Variants in WDR36 observed in about 807,000 individuals in gnomAD.
WDR36 encodes WD repeat-containing protein 36.
In WDR36, 63 loss-of-function variants were observed where a neutral mutation model predicts 112.7. The ratio of observed to expected loss-of-function variants is 0.56; its 90% CI spans 0.46 to 0.69. The LOEUF (loss-of-function observed/expected upper bound fraction) is 0.69. Ranked by LOEUF, WDR36 falls within the 30% of genes least tolerant of loss-of-function variation. The pLI is 0.00. For missense variants in WDR36, 1,226 were observed against 1,070.3 expected (o/e 1.15, Z -2.03); for synonymous variants, 410 against 362.2 (o/e 1.13, Z -1.50).
At position 111,104,095 on chromosome 5, in the gene WDR36, T is replaced by G. The variant is rs548548135; in HGVS notation, c.731-82T>G. 33 of 1,448,990 alleles carry G rather than the reference T, an allele frequency of 2.3e-5. No individual in the cohort carries two copies. In the East Asian group the frequency reaches 4.9e-4, roughly 22 times the overall value. 89.8% of individuals were successfully genotyped at this position (1,448,990 alleles called of 1,614,324 possible). ...TATAGTTTTTTTCTAACTTTATGGA[T>G]TAAAAGGGAAGAGAGAAGAATTCTT... On this transcript the variant is annotated intron_variant, in intron 7 of 22. Transcript: ENST00000513710.
chr5:111,098,370 A>G (rs1373575942), intron 3 of WDR36, among the ~76,000 whole-genome samples: 2 of 152,212 alleles, frequency 1.3e-5, no homozygotes, highest in Non-Finnish European at 2.9e-5. Flanking sequence ...GCCTTCTGGA[A>G]TATACCATCT....
At position 111,127,609 on chromosome 5, in the gene WDR36, G is replaced by C. The variant is rs966268555; in HGVS notation, c.*726G>C. 1 of 210,214 alleles carries C rather than the reference G, an allele frequency of 4.8e-6. No individual in the cohort carries two copies. The highest frequency in any genetic ancestry group is 2.3e-5 in the African/African-American group (1 of 44,102). The allele number at this position is 210,214 out of a possible 1,614,324, so 13.0% of individuals were successfully genotyped here. A position where few individuals can be genotyped will look rare whatever the true frequency, so the allele number is the denominator to read the frequency against. On this transcript the variant is annotated 3_prime_UTR_variant, in exon 23 of 23. Coordinates refer to ENST00000513710, the MANE Select transcript of WDR36 (RefSeq NM_139281.3). The stretch of plus-strand genomic sequence containing the variant: ...ATTAAAACTTTCTAACAGTGGCCTA[G>C]TGCTTTCTCCATTGTAATGTACTGA...
intron 12 of WDR36, among the ~76,000 whole-genome samples, chr5:111,109,243 T>TC (rs1753277734): frequency 6.6e-6 from 1 of 151,392 alleles, no homozygotes; most frequent in Non-Finnish European, 1.5e-5. Context: ...CATTTATGAA[T>TC]TTTTCAAAAT....
intron 19 of WDR36, among the ~76,000 whole-genome samples, chr5:111,123,389 T>C (rs184472026): frequency 1.1e-4 from 16 of 152,348 alleles, no homozygotes; most frequent in African/African-American, 3.8e-4. Context: ...TGGAGAAAAG[T>C]AATTTAAGAA....
In WDR36 at chr5:111,124,115, TG is replaced by T; in HGVS notation, c.2278del (p.Val760Ter). 6.2e-7 allele frequency: 1 copy of T among 1,613,056 alleles called. No individual in the cohort carries two copies. The highest frequency in any genetic ancestry group is 8.5e-7 in the Non-Finnish European group (1 of 1,179,526). ...TATTTGTTTTTGTTTAAGTCTAAAGTGGTAAATCTTGGAGTTTTGGCTCAAA... is the reference window on the plus strand; with the variant it reads ...TATTTGTTTTTGTTTAAGTCTAAAGTGTAAATCTTGGAGTTTTGGCTCAAA... ...EQNNDPQQSKVVNLGVLAQKS... is the reference protein window; with the variant it reads ...EQNNDPQQSKXVNLGVLAQKS... On this transcript the variant is annotated frameshift_variant, in exon 21 of 23. Coordinates refer to ENST00000513710, the MANE Select transcript of WDR36 (RefSeq NM_139281.3). LOFTEE classifies it high-confidence loss of function.
intron 19 of WDR36, 123 bp downstream of exon 19, chr5:111,121,264 C>T: frequency 2.1e-6 from 2 of 956,350 alleles, no homozygotes; most frequent in Non-Finnish European, 3.3e-6. Context: ...TAAGACAGCA[C>T]TGACAATGCT....
At chr5:111,103,754 G>A (rs761029774) in intron 6 of WDR36, 32 bp from the exon 7 acceptor site, 3 of 1,609,100 alleles carry the variant, frequency 1.9e-6, no homozygotes, top group African/African-American at 2.7e-5. Flanking sequence ...TTTTGCTTAA[G>A]AAAGTAAAAG....
chr5:111,107,558 C>T (rs950717653), intron 12 of WDR36, 119 bp downstream of exon 12: 23 of 1,351,994 alleles, frequency 1.7e-5, no homozygotes, highest in Non-Finnish European at 2.3e-5. Flanking sequence ...CATTTTAAAG[C>T]ATTGCATAAC....
At chr5:111,098,076 A>C (rs1675582630) in intron 3 of WDR36, among the ~76,000 whole-genome samples, 1 of 152,158 alleles carries the variant, frequency 6.6e-6, no homozygotes, top group Non-Finnish European at 1.5e-5. Flanking sequence ...ACCTTTATGC[A>C]CAGGTGTGGT....
In WDR36 at chr5:111,123,905, A is replaced by C; in HGVS notation, c.2249A>C (p.Gln750Pro). 6.2e-7 allele frequency: 1 copy of C among 1,613,792 alleles called. No homozygotes were observed. The highest frequency in any genetic ancestry group is 8.5e-7 in the Non-Finnish European group (1 of 1,179,880). ...GTACCCAGATATGCTGCACCTGAAC[A>C]AAATAATGATCCCCAGCAGGTAAAA... ...GLVPRYAAPE[Q>P]NNDPQQSKVV... The change falls in exon 20 of 23, where the codon CAA becomes CCA. Residue 750 changes from glutamine to proline, a missense_variant. Coordinates refer to ENST00000513710, the MANE Select transcript of WDR36 (RefSeq NM_139281.3).
intron 17 of WDR36, among the ~76,000 whole-genome samples, chr5:111,119,441 T>C (rs1359716280): frequency 6.6e-6 from 1 of 152,150 alleles, no homozygotes; most frequent in Non-Finnish European, 1.5e-5. Context: ...CCTGCCAGTA[T>C]CCCACAACTA....
rs1753738333 is a variant in WDR36, at chr5:111,129,307, A to G, written c.*2424A>G. ...GAGTATAACCATTTTTAATTTGAAGAGATACTTCCATTTGGGTTCCAGAAT... is the reference window on the plus strand; with the variant it reads ...GAGTATAACCATTTTTAATTTGAAGGGATACTTCCATTTGGGTTCCAGAAT... On this transcript the variant is annotated 3_prime_UTR_variant, in exon 23 of 23. Coordinates refer to ENST00000513710, the MANE Select transcript of WDR36 (RefSeq NM_139281.3). The G allele has an allele frequency of 5.1e-6, 1 of 195,440 alleles. No homozygotes were observed. Among genetic ancestry groups the G allele is most frequent in the African/African-American group, 2.3e-5 (1 of 43,260 alleles). The allele number at this position is 195,440 out of a possible 1,614,324, so 12.1% of individuals were successfully genotyped here.
At chr5:111,102,094 TA>T (rs1443881272) in intron 5 of WDR36, among the ~76,000 whole-genome samples, 1 of 150,312 alleles carries the variant, frequency 6.7e-6, no homozygotes, top group East Asian at 1.9e-4. Context: ...TTTACACACG[TA>T]TTTTTTTTTC....
intron 10 of WDR36, 75 bp downstream of exon 10, chr5:111,105,435 G>A (rs1753205322): frequency 2.9e-6 from 4 of 1,364,232 alleles, no homozygotes; most frequent in Non-Finnish European, 3.1e-6. Flanking sequence ...ACTGGAGGAA[G>A]TTTCATCAAT....
chr5:111,094,873 G>T (rs1752943825), intron 1 of WDR36, 47 bp from the exon 2 acceptor site: 1 of 1,462,776 alleles, frequency 6.8e-7, no homozygotes, highest in South Asian at 1.2e-5. Flanking sequence ...AGGTTATTAT[G>T]ATTATGTTTG....
At chr5:111,096,920 A>ATC in intron 2 of WDR36, 159 bp from the exon 3 acceptor site, 2 of 573,260 alleles carry the variant, frequency 3.5e-6, no homozygotes, top group Non-Finnish European at 6.1e-6. Flanking sequence ...TTAGATATCT[A>ATC]AAATATTTTA....
intron 9 of WDR36, among the ~76,000 whole-genome samples, chr5:111,105,091 T>C (rs1312847582): frequency 6.6e-6 from 1 of 151,620 alleles, no homozygotes; most frequent in Non-Finnish European, 1.5e-5. Context: ...TAGTACCTCA[T>C]TTTCATTTTA....
intron 16 of WDR36, among the ~76,000 whole-genome samples, chr5:111,113,722 C>G (rs1219800123): frequency 6.6e-6 from 1 of 152,124 alleles, no homozygotes; most frequent in Non-Finnish European, 1.5e-5. Flanking sequence ...AGGGCCATAT[C>G]TGGTGAGAGC....
At chr5:111,111,424 T>C (rs1753338744) in intron 15 of WDR36, 146 bp downstream of exon 15, 1 of 713,668 alleles carries the variant, frequency 1.4e-6, no homozygotes, top group Admixed American at 2.5e-5. Flanking sequence ...AGGAAAATTT[T>C]GAATTAAAAG....
Sources: allele counts gnomAD v4.1 joint callset (sites outside exome capture counted in the v4.1 genomes callset), GRCh38; gene constraint gnomAD v4.1.1; transcripts MANE v1.5; gene names NCBI Gene and HGNC (gene_info 2026-07-23, HGNC 2026-07-21).